UQCRC1: variants seen among roughly 807,000 people sequenced by gnomAD.
UQCRC1 encodes the protein ubiquinol-cytochrome c reductase core protein 1, also known as cytochrome b-c1 complex subunit 1, mitochondrial.
In UQCRC1, 34 loss-of-function variants were observed where a neutral mutation model predicts 58.0. The ratio of observed to expected loss-of-function variants is 0.59; its 90% CI spans 0.45 to 0.78. UQCRC1 has a LOEUF of 0.78. Among genes scored for constraint, UQCRC1 ranks in the 30% least tolerant of loss-of-function variants. UQCRC1 has a pLI of 0.00. For missense variants in UQCRC1, 610 were observed against 646.0 expected (o/e 0.94, Z 0.60); for synonymous variants, 276 against 248.8 (o/e 1.11, Z -1.03).
intron 12 of UQCRC1, 70 bp from the exon 13 acceptor site, chr3:48,599,262 A>G: frequency 6.7e-7 from 1 of 1,489,584 alleles, no homozygotes; most frequent in Non-Finnish European, 9.0e-7. Context: ...CCTGTGCCGC[A>G]CCCAGCTCGG....
At position 48,599,077 on chromosome 3, in the gene UQCRC1, G is replaced by A. The variant is rs1248608680; in HGVS notation, c.*51C>T. 1 of 1,598,094 alleles carries A rather than the reference G, an allele frequency of 6.3e-7. No homozygotes were observed. The highest frequency in any genetic ancestry group is 8.6e-7 in the Non-Finnish European group (1 of 1,168,040). On this transcript the variant is annotated 3_prime_UTR_variant, in exon 13 of 13. Coordinates refer to ENST00000203407, the MANE Select transcript of UQCRC1 (RefSeq NM_003365.3). ...GCCGAAGTGCTGTGTTTGTGGTGGGGGGGGGACCACAAACCCCGGCCCTGC... is the reference window on the plus strand; with the variant it reads ...GCCGAAGTGCTGTGTTTGTGGTGGGAGGGGGACCACAAACCCCGGCCCTGC...
intron 10 of UQCRC1, 59 bp downstream of exon 10, chr3:48,600,423 C>T (rs1575511769): frequency 6.2e-7 from 1 of 1,602,352 alleles, no homozygotes; most frequent in East Asian, 2.2e-5. Flanking sequence ...CAGTGGCCAC[C>T]TTGGTGCTGT....
intron 12 of UQCRC1, 142 bp downstream of exon 12, chr3:48,599,493 G>T: frequency 1.1e-6 from 1 of 897,314 alleles, no homozygotes; most frequent in Non-Finnish European, 1.7e-6. Context: ...CTCCCTGGCA[G>T]CCAGGGGACT....
rs2046392630 is a variant in UQCRC1 at position 48,604,369 on chromosome 3, C to G, written c.490G>C (p.Glu164Gln). The G allele has an allele frequency of 3.1e-6, 5 of 1,614,234 alleles. No homozygotes were observed. Among genetic ancestry groups the G allele is most frequent in the Non-Finnish European group, 4.2e-6 (5 of 1,180,046 alleles). Residue 164 changes from glutamate to glutamine, a missense_variant, in exon 5 of 13, where the codon GAA becomes CAA. Transcript: ENST00000203407. ...CSLEDSQIEK[E>Q]RDVILREMQE... The stretch of plus-strand genomic sequence containing the variant: ...ATCTCCCGCAGGATCACATCACGTT[C>G]CTTCTCAATCTGTGAGTCTTCCAGA...
chr3:48,600,159 G>A lies in UQCRC1; in HGVS notation c.1214-8C>T, dbSNP rs202154537. ...CACACACAGGAGTAGTGCCTTTAAGGGTGAGAGAAGGCTCAGAGGTCCACC... is the reference window on the plus strand; with the variant it reads ...CACACACAGGAGTAGTGCCTTTAAGAGTGAGAGAAGGCTCAGAGGTCCACC... On this transcript the variant is annotated splice_region_variant and splice_polypyrimidine_tract_variant and intron_variant, in intron 10 of 12. Transcript: ENST00000203407. 5.0e-6 allele frequency: 8 copies of A among 1,613,862 alleles called. No individual in the cohort carries two copies. The highest frequency in any genetic ancestry group is 2.2e-5 in the East Asian group (1 of 44,870).
intron 4 of UQCRC1, 102 bp from the exon 5 acceptor site, chr3:48,604,533 T>A: frequency 6.3e-7 from 1 of 1,585,284 alleles, no homozygotes; most frequent in South Asian, 1.1e-5. Context: ...CACCCCTAGT[T>A]GCCCAGCTGC....
At chr3:48,601,161 AG>A in intron 7 of UQCRC1, 43 bp from the exon 8 acceptor site, 2 of 1,574,486 alleles carry the variant, frequency 1.3e-6, no homozygotes, top group Non-Finnish European at 1.7e-6. Flanking sequence ...CCAGACTGCC[AG>A]GGGAACAGAA....
chr3:48,603,781 C>T, intron 5 of UQCRC1, 138 bp from the exon 6 acceptor site: 1 of 806,500 alleles, frequency 1.2e-6, no homozygotes, highest in South Asian at 1.6e-5. Flanking sequence ...ACTCCCCAAC[C>T]CCCTTCCCCT....
Position 48,609,646 on chromosome 3 carries a change from C to T in UQCRC1, c.-26G>A, listed in dbSNP as rs767593540. 2.4e-5 allele frequency: 37 copies of T among 1,542,984 alleles called. No homozygotes were observed. Among genetic ancestry groups the T allele is most frequent in the Non-Finnish European group, 3.1e-5 (36 of 1,147,900 alleles). Reference sequence around the variant, plus strand: ...CTTCCAGCTGCAGTCGGCCCTGTTGCGCCGCGCAAGCGTAGACTGGGCGCG... The same window carrying T: ...CTTCCAGCTGCAGTCGGCCCTGTTGTGCCGCGCAAGCGTAGACTGGGCGCG... On this transcript the variant is annotated 5_prime_UTR_variant, in exon 1 of 13. Coordinates refer to ENST00000203407, the MANE Select transcript of UQCRC1 (RefSeq NM_003365.3).
At chr3:48,608,900 T>C (rs2046437037) in intron 2 of UQCRC1, among the ~76,000 whole-genome samples, 1 of 152,224 alleles carries the variant, frequency 6.6e-6, no homozygotes, top group South Asian at 2.1e-4. Flanking sequence ...TTATATGGGC[T>C]CCTTAACAAA....
chr3:48,605,072 G>T (rs1448920067), intron 3 of UQCRC1, among the ~76,000 whole-genome samples: 1 of 152,164 alleles, frequency 6.6e-6, no homozygotes, highest in Non-Finnish European at 1.5e-5. Context: ...CAAGCTGTGG[G>T]GATCATTACC....
chr3:48,604,205 TC>T (rs557762394), intron 5 of UQCRC1, 27 bp downstream of exon 5: 4 of 1,609,372 alleles, frequency 2.5e-6, no homozygotes, highest in African/African-American at 1.3e-5. Context: ...GGAGCAAGCA[TC>T]CCCCCACAAG....
intron 2 of UQCRC1, among the ~76,000 whole-genome samples, chr3:48,608,131 A>C (rs1370046868): frequency 6.6e-6 from 1 of 152,172 alleles, no homozygotes; most frequent in Non-Finnish European, 1.5e-5. Flanking sequence ...CCCATTAAGT[A>C]GTTTCTCATC....
rs2046335477 is a variant in UQCRC1 at position 48,599,030 on chromosome 3, ACCTGTGGCACAGGTTAGAG to A, written c.*79_*97del. ...TCAGCAGAGGATTTTATTGGTGGTCACCTGTGGCACAGGTTAGAGGAGCCGAAGTGCTGTGTTTGTGGTG... is the reference window on the plus strand; with the variant it reads ...TCAGCAGAGGATTTTATTGGTGGTCAGAGCCGAAGTGCTGTGTTTGTGGTG... On this transcript the variant is annotated 3_prime_UTR_variant, in exon 13 of 13. Transcript: ENST00000203407. The A allele has an allele frequency of 7.2e-7, 1 of 1,388,646 alleles. No individual in the cohort carries two copies. Among genetic ancestry groups the A allele is most frequent in the South Asian group, 1.2e-5 (1 of 81,598 alleles). 86.0% of individuals were successfully genotyped at this position (1,388,646 alleles called of 1,614,324 possible).
In UQCRC1 at chr3:48,609,628, C is replaced by T. The variant is rs1385488277; in HGVS notation, c.-8G>A. On this transcript the variant is annotated 5_prime_UTR_variant, in exon 1 of 13. Transcript: ENST00000203407. ...GACCACGGACGCCGCCATCTTCCAG[C>T]TGCAGTCGGCCCTGTTGCGCCGCGC... The T allele has an allele frequency of 6.4e-7, 1 of 1,561,942 alleles. No homozygotes were observed.
Position 48,599,055 on chromosome 3 carries a change from G to A in UQCRC1, c.*73C>T. ...ACCTGTGGCACAGGTTAGAGGAGCC[G>A]AAGTGCTGTGTTTGTGGTGGGGGGG... On this transcript the variant is annotated 3_prime_UTR_variant, in exon 13 of 13. Transcript: ENST00000203407. 5 of 1,563,292 alleles carry A rather than the reference G, an allele frequency of 3.2e-6. No homozygotes were observed. In the South Asian group the frequency reaches 3.4e-5, roughly 11 times the overall value.
At chr3:48,602,724 C>T (rs1325199228) in intron 6 of UQCRC1, among the ~76,000 whole-genome samples, 3 of 151,606 alleles carry the variant, frequency 2.0e-5, no homozygotes, top group African/African-American at 4.8e-5. Context: ...GGTTTTGTCA[C>T]GTTGGCTGGG....
rs757395133 is a variant in UQCRC1, at chr3:48,600,851, G to T, written c.967-11C>A. 6.2e-7 allele frequency: 1 copy of T among 1,613,722 alleles called. No homozygotes were observed. The highest frequency in any genetic ancestry group is 1.1e-5 in the South Asian group (1 of 91,080). On this transcript the variant is annotated splice_polypyrimidine_tract_variant and intron_variant, in intron 8 of 12. Transcript: ENST00000203407. ...TGGGCTGGACAGGTGCTGCCAGGGG[G>T]ATAGGTGGTCAGCACCCACCCTCTT...
intron 2 of UQCRC1, among the ~76,000 whole-genome samples, chr3:48,607,774 G>T (rs1411210848): frequency 1.3e-5 from 2 of 151,702 alleles, no homozygotes; most frequent in East Asian, 3.8e-4. Flanking sequence ...GTCAAATCAG[G>T]GATTCTGAAT....
Sources: gnomAD v4.1 joint callset for allele counts (sites outside exome capture counted in the v4.1 genomes callset) on GRCh38, gnomAD v4.1.1 for gene constraint, MANE v1.5 for transcripts, NCBI Gene and HGNC (gene_info 2026-07-23, HGNC 2026-07-21) for gene names.